Variants in TRPC5 observed in about 807,000 individuals in gnomAD.
TRPC5 encodes transient receptor potential cation channel subfamily C member 5.
TRPC5 carries 9 observed loss-of-function variants against 56.5 expected under a neutral mutation model. The ratio of observed to expected loss-of-function variants is 0.16; its 90% confidence interval spans 0.10 to 0.28. TRPC5 has a LOEUF of 0.28. Among genes scored for constraint, TRPC5 ranks in the 10% least tolerant of loss-of-function variants. The pLI is 1.00. For missense variants in TRPC5, 469 were observed against 748.9 expected, an observed-to-expected ratio of 0.63 and a Z score of 4.36; for synonymous variants, 282 against 278.5, an observed-to-expected ratio of 1.01 and a Z score of -0.13.
chrX:112,065,877 GAA>G (rs371399139), intron 1 of TRPC5, among the ~76,000 whole-genome samples: 2 of 97,958 alleles, frequency 2.0e-5, no homozygotes, highest in African/African-American at 7.3e-5. Context: ...TTTCCAAAAA[GAA>G]AAAAAAAAAA....
chrX:112,053,439 A>G (rs918970177), intron 1 of TRPC5, among the ~76,000 whole-genome samples: 15 of 112,090 alleles, frequency 1.3e-4, no homozygotes, highest in African/African-American at 4.9e-4. Context: ...CTTAGCATCT[A>G]TCACAGAACT....
intron 4 of TRPC5, among the ~76,000 whole-genome samples, chrX:111,853,552 C>A (rs1229729396): frequency 1.8e-5 from 2 of 111,793 alleles, no homozygotes; most frequent in East Asian, 2.8e-4. Context: ...ATTAAGTTAG[C>A]AAAAGCAAGC....
chrX:111,831,718 A>G (rs1037247980), intron 7 of TRPC5, among the ~76,000 whole-genome samples: 8 of 112,010 alleles, frequency 7.1e-5, no homozygotes, highest in African/African-American at 2.6e-4. Context: ...AAAGAAACCA[A>G]GGGTTCTTAC....
chrX:111,875,238 T>C (rs1241794232), intron 3 of TRPC5, among the ~76,000 whole-genome samples: 1 of 112,262 alleles, frequency 8.9e-6, no homozygotes, highest in African/African-American at 3.2e-5. Context: ...TGAGAACAGA[T>C]AGAATGTGGC....
intron 7 of TRPC5, among the ~76,000 whole-genome samples, chrX:111,823,725 C>A (rs1922101496): frequency 9.0e-6 from 1 of 110,698 alleles, no homozygotes; most frequent in Admixed American, 9.7e-5. Context: ...TGTCCAGAAC[C>A]AAGGGAAAGG....
chrX:112,017,867 G>A (rs569158270), intron 1 of TRPC5, among the ~76,000 whole-genome samples: 2 of 112,237 alleles, frequency 1.8e-5, no homozygotes, highest in African/African-American at 6.5e-5. Context: ...CAGTAGCTAT[G>A]AGCCACATGT....
chrX:111,893,747 A>G (rs770060949), intron 3 of TRPC5, among the ~76,000 whole-genome samples: 84 of 112,331 alleles, frequency 7.5e-4, no homozygotes, highest in African/African-American at 2.6e-3. Context: ...TTGATAAATT[A>G]AAGATGCTTC....
At chrX:111,835,242 C>T in intron 6 of TRPC5, 126 bp from the exon 7 acceptor site, 1 of 576,895 alleles carries the variant, frequency 1.7e-6, no homozygotes, top group South Asian at 3.5e-5. Flanking sequence ...GGTGATCTCA[C>T]ATATTTTGGG....
chrX:111,890,107 T>G (rs1275559228), intron 3 of TRPC5, among the ~76,000 whole-genome samples: 3 of 111,725 alleles, frequency 2.7e-5, no homozygotes, highest in Admixed American at 9.5e-5. Flanking sequence ...TTTAAAATAT[T>G]GCATCTGTAC....
In TRPC5 at chrX:111,778,983, A is replaced by T; in HGVS notation, c.2232+2T>A. On this transcript the variant is annotated splice_donor_variant, in intron 10 of 10. Transcript: ENST00000262839. LOFTEE classifies it high-confidence loss of function. ...TGAAAAACCACTTCATGATTAAATT[A>T]CCTTAAAATTTTCTTCTGTAAGTCC... 8.5e-7 allele frequency: 1 copy of T among 1,174,137 alleles called. No homozygotes were observed. Among genetic ancestry groups the T allele is most frequent in the Non-Finnish European group, 1.2e-6 (1 of 867,469 alleles).
intron 5 of TRPC5, among the ~76,000 whole-genome samples, chrX:111,851,770 AGG>A (rs1923092931): frequency 9.0e-6 from 1 of 111,630 alleles, no homozygotes; most frequent in African/African-American, 3.3e-5. Context: ...GACAACTCAG[AGG>A]GTTAGGGAGA....
At chrX:111,840,799 A>G (rs1162334604) in intron 6 of TRPC5, among the ~76,000 whole-genome samples, 2 of 112,361 alleles carry the variant, frequency 1.8e-5, no homozygotes, top group Non-Finnish European at 3.8e-5. Flanking sequence ...TATGGTAAGC[A>G]TTAATAATAG....
intron 1 of TRPC5, among the ~76,000 whole-genome samples, chrX:111,954,519 G>A (rs1369521524): frequency 8.9e-6 from 1 of 111,816 alleles, no homozygotes; most frequent in African/African-American, 3.3e-5. Context: ...GATGGGTTGG[G>A]GGGAATGCAA....
At chrX:112,019,418 T>C (rs1225228216) in intron 1 of TRPC5, among the ~76,000 whole-genome samples, 2 of 110,333 alleles carry the variant, frequency 1.8e-5, no homozygotes, top group African/African-American at 6.6e-5. Context: ...AAATATAATA[T>C]AAAATAACTC....
intron 7 of TRPC5, among the ~76,000 whole-genome samples, chrX:111,807,092 A>T (rs1921538003): frequency 9.0e-6 from 1 of 111,412 alleles, no homozygotes; most frequent in African/African-American, 3.3e-5. Flanking sequence ...ACCTTCTTGT[A>T]CTTGAATATT....
chrX:111,874,328 G>A (rs1923853077), intron 3 of TRPC5, among the ~76,000 whole-genome samples: 1 of 112,517 alleles, frequency 8.9e-6, no homozygotes, highest in Admixed American at 9.4e-5. Flanking sequence ...GACTGCAACA[G>A]GAAACTAAAC....
intron 7 of TRPC5, among the ~76,000 whole-genome samples, chrX:111,824,949 A>G (rs924089733): frequency 9.0e-6 from 1 of 111,255 alleles, no homozygotes; most frequent in African/African-American, 3.3e-5. Flanking sequence ...ATCTGATACC[A>G]CGTCCTCAAT....
chrX:111,924,593 A>G (rs1053655152), intron 2 of TRPC5, among the ~76,000 whole-genome samples: 2 of 111,974 alleles, frequency 1.8e-5, no homozygotes, highest in African/African-American at 6.5e-5. Context: ...TATACCTGTC[A>G]AATGCTGTTT....
At chrX:112,029,891 G>C (rs772311656) in intron 1 of TRPC5, among the ~76,000 whole-genome samples, 69 of 108,207 alleles carry the variant, frequency 6.4e-4, no homozygotes, top group African/African-American at 2.2e-3. Context: ...GCAATGGCGC[G>C]ATCTCGACTC....
Sources: gnomAD v4.1 joint callset for allele counts (sites outside exome capture counted in the v4.1 genomes callset) on GRCh38, gnomAD v4.1.1 for gene constraint, MANE v1.5 for transcripts, NCBI Gene and HGNC (gene_info 2026-07-23, HGNC 2026-07-21) for gene names.